The following SVIL variants were observed in gnomAD, a reference collection of about 807,000 sequenced individuals.
SVIL encodes supervillin.
A neutral mutation model predicts 240.4 loss-of-function variants in SVIL; 101 were observed. That is an observed-to-expected ratio of 0.42 (90% CI 0.36 to 0.50). The LOEUF (loss-of-function observed/expected upper bound fraction) is 0.50. Among genes scored for constraint, SVIL ranks in the 20% least tolerant of loss-of-function variants. The pLI, the probability that SVIL is intolerant of heterozygous loss-of-function variation, is 0.01. For synonymous variants in SVIL, 999 were observed against 1,100.0 expected (o/e 0.91, Z 1.82); for missense variants, 2,512 against 2,818.7 (o/e 0.89, Z 2.46).
intron 17 of SVIL, among the ~76,000 whole-genome samples, chr10:29,501,294 C>A (rs28541309): frequency 0.32 from 47,684 of 150,810 alleles, 7,772 homozygotes; most frequent in African/African-American, 0.34. Flanking sequence ...TAACTTCCTC[C>A]TCTTGGCCAC....
At chr10:29,597,419 T>C (rs747979606) in intron 1 of SVIL, among the ~76,000 whole-genome samples, 2 of 152,042 alleles carry the variant, frequency 1.3e-5, no homozygotes, top group Non-Finnish European at 2.9e-5. Context: ...CTGTTCTAAA[T>C]CCTTTTATTT....
At chr10:29,735,875 G>C (rs1219202112), upstream of SVIL, 2 of 152,048 alleles carry the variant, frequency 1.3e-5, no homozygotes, top group Non-Finnish European at 2.9e-5. This position sits in a 1 kb window ranked among gnomAD's most constrained non-coding sequence, Gnocchi z 4.1. Flanking sequence ...CGCGGGGAGC[G>C]GGTCCCCGCT....
intron 1 of SVIL, among the ~76,000 whole-genome samples, chr10:29,719,993 A>T (rs1963876493): frequency 6.6e-6 from 1 of 152,208 alleles, no homozygotes; most frequent in Non-Finnish European, 1.5e-5. Flanking sequence ...CAAGAAATAT[A>T]AACTAACGTA....
chr10:29,548,351 C>A (rs1461615315), intron 6 of SVIL, among the ~76,000 whole-genome samples: 1 of 152,134 alleles, frequency 6.6e-6, no homozygotes, highest in Non-Finnish European at 1.5e-5. Flanking sequence ...ACCTGGGAAA[C>A]TATTGCTTGT....
intron 3 of SVIL, among the ~76,000 whole-genome samples, chr10:29,656,540 T>TG (rs1276617081): frequency 6.6e-6 from 1 of 152,176 alleles, no homozygotes; most frequent in East Asian, 1.9e-4. Context: ...TTGTTTTATC[T>TG]GAGATCCTTC....
intron 1 of SVIL, among the ~76,000 whole-genome samples, chr10:29,729,773 G>A (rs533076411): frequency 7.1e-6 from 1 of 140,090 alleles, no homozygotes; most frequent in Admixed American, 7.5e-5. Flanking sequence ...GGCAGAGGTT[G>A]CAGTGAGCCG....
intron 1 of SVIL, among the ~76,000 whole-genome samples, chr10:29,714,596 T>C (rs1002903848): frequency 2.6e-5 from 4 of 152,200 alleles, no homozygotes; most frequent in African/African-American, 9.6e-5. Context: ...TATCTGAACA[T>C]GCAGCAGTGT....
At chr10:29,535,261 G>T (rs771320322) in intron 7 of SVIL, among the ~76,000 whole-genome samples, 1 of 66,972 alleles carries the variant, frequency 1.5e-5, no homozygotes, top group Non-Finnish European at 4.7e-5. Context: ...AGATGAGCCA[G>T]TGTTGGAGGT....
intron 6 of SVIL, chr10:29,544,901 G>T (rs950604409): frequency 3.0e-5 from 14 of 470,420 alleles, no homozygotes; most frequent in African/African-American, 2.7e-4. Context: ...GTGTTTGGGG[G>T]TACAGGGACT....
Position 29,475,969 on chromosome 10 carries a change from CAT to C in SVIL, c.5378-1982_5378-1981del, listed in dbSNP as rs1946150519. 2.0e-5 allele frequency among the ~76,000 whole-genome samples: 3 copies of C among 152,214 alleles called. No homozygotes were observed. The South Asian group carries it at 6.2e-4, about 31-fold the overall frequency. ...CCTTTGTTTGGTAAAGTATCTGTAACATAGGTTTCGTAAATGATTCTAATAAT... is the reference window on the plus strand; with the variant it reads ...CCTTTGTTTGGTAAAGTATCTGTAACAGGTTTCGTAAATGATTCTAATAAT... On this transcript the variant is annotated intron_variant, in intron 29 of 37. Transcript: ENST00000355867.
intron 2 of SVIL, among the ~76,000 whole-genome samples, chr10:29,661,684 A>G (rs572865130): frequency 5.2e-4 from 79 of 152,328 alleles, no homozygotes; most frequent in Admixed American, 1.2e-3. Context: ...GAAGAGAGAT[A>G]TGCCAGACAA....
At chr10:29,666,313 C>T (rs2133048155) in intron 2 of SVIL, among the ~76,000 whole-genome samples, 1 of 152,356 alleles carries the variant, frequency 6.6e-6, no homozygotes, top group Admixed American at 6.5e-5. Flanking sequence ...GATTTCACGA[C>T]ATCCTAAGTA....
intron 1 of SVIL, among the ~76,000 whole-genome samples, chr10:29,719,694 T>C (rs1031706847): frequency 2.0e-5 from 3 of 152,168 alleles, no homozygotes; most frequent in Non-Finnish European, 4.4e-5. Flanking sequence ...GTAGACTGGA[T>C]AGGATTAATA....
At chr10:29,537,405 C>T (rs1345756558) in intron 6 of SVIL, among the ~76,000 whole-genome samples, 1 of 152,122 alleles carries the variant, frequency 6.6e-6, no homozygotes, top group Non-Finnish European at 1.5e-5. Flanking sequence ...GAGTATGATG[C>T]CAAGCAGAAT....
At chr10:29,591,917 C>T (rs1236363553) in intron 1 of SVIL, among the ~76,000 whole-genome samples, 5 of 152,222 alleles carry the variant, frequency 3.3e-5, no homozygotes, top group Non-Finnish European at 5.9e-5. Context: ...TAGTACCTTA[C>T]ATGGTTCTGG....
chr10:29,499,057 A>T lies in SVIL; in HGVS notation c.3664+59T>A, dbSNP rs7897960. The stretch of plus-strand genomic sequence containing the variant: ...CGTACCACCATGCCCTCCATGGGTA[A>T]GTGTGCTCACGTGTGTGCATTGTGC... On this transcript the variant is annotated intron_variant, in intron 18 of 37. Transcript: ENST00000355867. 1.9e-5 allele frequency: 30 copies of T among 1,581,746 alleles called. No individual in the cohort carries two copies. The South Asian group carries it at 2.8e-4, about 15-fold the overall frequency.
intron 17 of SVIL, among the ~76,000 whole-genome samples, chr10:29,501,018 G>C: frequency 6.6e-6 from 1 of 152,156 alleles, no homozygotes; most frequent in Non-Finnish European, 1.5e-5. Flanking sequence ...TTTGGTTTAA[G>C]CTATGAACGT....
At chr10:29,535,315 C>T (rs1951665165) in intron 7 of SVIL, among the ~76,000 whole-genome samples, 2 of 152,082 alleles carry the variant, frequency 1.3e-5, no homozygotes, top group Admixed American at 6.5e-5. Context: ...GACTGAAGCG[C>T]GGTTCCAGTT....
chr10:29,673,731 G>A (rs1034478724), intron 2 of SVIL, among the ~76,000 whole-genome samples: 3 of 152,106 alleles, frequency 2.0e-5, no homozygotes, highest in Admixed American at 1.3e-4. Context: ...CTCCCATCAG[G>A]TCCCTCCCTC....
Sources: allele counts gnomAD v4.1 joint callset (sites outside exome capture counted in the v4.1 genomes callset), GRCh38; gene constraint gnomAD v4.1.1; non-coding constraint Gnocchi (gnomAD v3.1); transcripts MANE v1.5; gene names NCBI Gene and HGNC (gene_info 2026-07-23, HGNC 2026-07-21).